The following PAK3 variants were observed in gnomAD, a reference collection of about 807,000 sequenced individuals.
The protein encoded by PAK3 is p21 (RAC1) activated kinase 3, also known as serine/threonine-protein kinase PAK 3.
A neutral mutation model predicts 41.0 loss-of-function variants in PAK3; 4 were observed. The ratio of observed to expected loss-of-function variants is 0.10; its 90% confidence interval spans 0.05 to 0.22. The LOEUF is 0.22. PAK3 is among the 10% of genes least tolerant of loss of function. PAK3 has a pLI of 1.00. For missense variants in PAK3, 205 were observed against 409.9 expected, an observed-to-expected ratio of 0.50 and a Z score of 4.32; for synonymous variants, 146 against 139.6, an observed-to-expected ratio of 1.05 and a Z score of -0.32.
intron 4 of PAK3, among the ~76,000 whole-genome samples, chrX:111,113,790 G>T (rs1049455171): frequency 3.7e-5 from 4 of 108,316 alleles, no homozygotes; most frequent in Non-Finnish European, 5.7e-5. Context: ...CCCACCCCAC[G>T]ACAGGCTCCA....
chrX:111,087,684 G>A (rs2148850960), intron 1 of PAK3, among the ~76,000 whole-genome samples: 1 of 105,829 alleles, frequency 9.4e-6, no homozygotes, highest in South Asian at 4.3e-4. Context: ...TCATTTTGCT[G>A]TGGACGTGGA....
At chrX:111,178,251 CT>C (rs2094427899) in intron 11 of PAK3, among the ~76,000 whole-genome samples, 1 of 111,432 alleles carries the variant, frequency 9.0e-6, no homozygotes, top group African/African-American at 3.3e-5. Flanking sequence ...CCTAATTGAC[CT>C]TTTCTGTCTT....
intron 8 of PAK3, among the ~76,000 whole-genome samples, chrX:111,160,572 C>T (rs1408145037): frequency 1.8e-5 from 2 of 108,776 alleles, no homozygotes; most frequent in Non-Finnish European, 1.9e-5. Flanking sequence ...CCCATTAACT[C>T]ATCATTTAGC....
chrX:110,984,375 G>A (rs1337996238), intron 1 of PAK3, among the ~76,000 whole-genome samples: 1 of 111,592 alleles, frequency 9.0e-6, no homozygotes, highest in Non-Finnish European at 1.9e-5. Flanking sequence ...CATACTCAGT[G>A]GCACACACAA....
At chrX:111,115,679 T>C (rs1271455927) in intron 4 of PAK3, among the ~76,000 whole-genome samples, 1 of 112,382 alleles carries the variant, frequency 8.9e-6, no homozygotes, top group Non-Finnish European at 1.9e-5. Context: ...GAGGAAGTGT[T>C]GCTGCATTTT....
chrX:110,987,534 G>A (rs779847296), intron 1 of PAK3, among the ~76,000 whole-genome samples: 5 of 111,973 alleles, frequency 4.5e-5, no homozygotes, highest in Non-Finnish European at 9.4e-5. Context: ...TGAACTTGCC[G>A]TGAGACCTGG....
At chrX:111,017,485 T>C (rs1424641661) in intron 1 of PAK3, among the ~76,000 whole-genome samples, 1 of 111,459 alleles carries the variant, frequency 9.0e-6, no homozygotes, top group African/African-American at 3.3e-5. Flanking sequence ...ACAAATGTGG[T>C]AACCTAGATA....
chrX:111,212,222 GT>G (rs1160716742), intron 16 of PAK3, among the ~76,000 whole-genome samples: 1 of 111,777 alleles, frequency 8.9e-6, no homozygotes, highest in African/African-American at 3.3e-5. Flanking sequence ...TTTTCTTTGA[GT>G]TTTCATTAGC....
chrX:110,997,932 C>G (rs1332798450), intron 1 of PAK3, among the ~76,000 whole-genome samples: 1 of 111,320 alleles, frequency 9.0e-6, no homozygotes, highest in Non-Finnish European at 1.9e-5. Flanking sequence ...AGCGGGCCCT[C>G]ACCAGACACC....
At chrX:111,080,084 T>C (rs1457573754) in intron 1 of PAK3, among the ~76,000 whole-genome samples, 3 of 112,504 alleles carry the variant, frequency 2.7e-5, no homozygotes, top group African/African-American at 9.7e-5. Flanking sequence ...TGAAGATTGT[T>C]AAAATAACAA....
intron 13 of PAK3, 35 bp from the exon 14 acceptor site, chrX:111,194,266 G>A (rs751002784): frequency 2.9e-5 from 25 of 859,361 alleles, no homozygotes; most frequent in African/African-American, 6.0e-5. Flanking sequence ...GTTTTTTAGC[G>A]TCATAAGGCA....
intron 1 of PAK3, among the ~76,000 whole-genome samples, chrX:111,013,111 G>A (rs905985703): frequency 8.9e-6 from 1 of 112,363 alleles, no homozygotes; most frequent in African/African-American, 3.2e-5. Flanking sequence ...TAAAAATTCT[G>A]CTCACATGCC....
At chrX:111,100,116 A>G (rs1212289688) in intron 3 of PAK3, among the ~76,000 whole-genome samples, 1 of 110,403 alleles carries the variant, frequency 9.1e-6, no homozygotes, top group Admixed American at 9.6e-5. Context: ...AAGCCCCTGA[A>G]AGGTTCTGTG....
At chrX:111,047,003 A>G (rs1228964444) in intron 1 of PAK3, among the ~76,000 whole-genome samples, 2 of 111,480 alleles carry the variant, frequency 1.8e-5, no homozygotes, top group Non-Finnish European at 3.8e-5. Context: ...GGAGCTCAGT[A>G]CTCCCAGTGG....
intron 4 of PAK3, among the ~76,000 whole-genome samples, chrX:111,113,086 T>A (rs2093403566): frequency 9.0e-6 from 1 of 111,728 alleles, no homozygotes; most frequent in African/African-American, 3.2e-5. Flanking sequence ...TGAAATATAC[T>A]GTTGAATAAT....
In PAK3 at chrX:111,121,873, T is replaced by C. The variant is rs751555551; in HGVS notation, c.-27-1204T>C. ...AATACCTGGAGACAGAAACATTCCC[T>C]TGGGGAGTTCATGCTTTTCCAGTTT... On this transcript the variant is annotated intron_variant, in intron 4 of 17. Transcript: ENST00000372007. 3.6e-5 allele frequency among the ~76,000 whole-genome samples: 4 copies of C among 110,891 alleles called. No homozygotes were observed. The South Asian group carries it at 1.5e-3, about 43-fold the overall frequency.
intron 1 of PAK3, among the ~76,000 whole-genome samples, chrX:111,060,281 A>G (rs1262498301): frequency 8.9e-6 from 1 of 111,854 alleles, no homozygotes; most frequent in Non-Finnish European, 1.9e-5. Flanking sequence ...AATTAATGCC[A>G]CTTGGTCATG....
chrX:111,152,308 A>G, intron 7 of PAK3, 102 bp from the exon 8 acceptor site: 1 of 571,018 alleles, frequency 1.8e-6, no homozygotes. Context: ...ATTTCCTTCT[A>G]GTTGAAATCA....
intron 1 of PAK3, among the ~76,000 whole-genome samples, chrX:110,961,676 G>A (rs1393647501): frequency 9.0e-6 from 1 of 111,584 alleles, no homozygotes; most frequent in African/African-American, 3.3e-5. Context: ...ACTGCCCTAT[G>A]TCTCTTCTTC....
Sources: allele counts gnomAD v4.1 joint callset (sites outside exome capture counted in the v4.1 genomes callset), GRCh38; gene constraint gnomAD v4.1.1; transcripts MANE v1.5; gene names NCBI Gene and HGNC (gene_info 2026-07-23, HGNC 2026-07-21).